The following CLEC16A variants were observed in gnomAD, a reference collection of about 807,000 sequenced individuals.
CLEC16A encodes C-type lectin domain containing 16A.
In CLEC16A, 51 loss-of-function variants were observed where a neutral mutation model predicts 109.5. The ratio of observed to expected loss-of-function variants is 0.47; its 90% CI spans 0.37 to 0.59. CLEC16A has a LOEUF of 0.59. CLEC16A is among the 20% of genes least tolerant of loss of function. The pLI, the probability that CLEC16A is intolerant of heterozygous loss-of-function variation, is 0.00. For missense variants in CLEC16A, 1,339 were observed against 1,394.0 expected (o/e 0.96, Z 0.63); for synonymous variants, 673 against 564.2 (o/e 1.19, Z -2.73).
chr16:10,972,515 C>G (rs751560050), intron 5 of CLEC16A, 39 bp from the exon 6 acceptor site: 2 of 1,607,682 alleles, frequency 1.2e-6, no homozygotes, highest in African/African-American at 2.7e-5. Flanking sequence ...CTGTTTTTTG[C>G]TTTTCCTTCA....
At chr16:10,956,604 G>A (rs969867436) in intron 1 of CLEC16A, among the ~76,000 whole-genome samples, 3 of 152,168 alleles carry the variant, frequency 2.0e-5, no homozygotes, top group Admixed American at 6.5e-5. Context: ...GTGCCCGGTG[G>A]CACTCCCAGG....
intron 18 of CLEC16A, among the ~76,000 whole-genome samples, chr16:11,053,525 C>G (rs556754419): frequency 6.6e-6 from 1 of 152,064 alleles, no homozygotes; most frequent in East Asian, 1.9e-4. Context: ...TGTGTGCCAC[C>G]ACACTCGGCT....
rs1178919309 is a variant in CLEC16A at position 10,944,572 on chromosome 16, G to A, written c.-146G>A. ...GGTTCCGGCTGAATGTCAGTGCTGG[G>A]CTGTGGGCCGGGGAGGAAGGCGGCT... On this transcript the variant is annotated 5_prime_UTR_variant, in exon 1 of 24. Transcript: ENST00000409790. The A allele has an allele frequency of 2.6e-6, 2 of 766,520 alleles. No individual in the cohort carries two copies. The highest frequency in any genetic ancestry group is 3.6e-4 in the Middle Eastern group (1 of 2,792). 47.5% of individuals were successfully genotyped at this position (766,520 alleles called of 1,614,324 possible).
At chr16:11,039,666 T>A in intron 13 of CLEC16A, 88 bp from the exon 14 acceptor site, 1 of 1,413,020 alleles carries the variant, frequency 7.1e-7, no homozygotes, top group Non-Finnish European at 9.4e-7. Flanking sequence ...TGGCTGAAGT[T>A]GAGGAAACCC....
intron 22 of CLEC16A, among the ~76,000 whole-genome samples, chr16:11,134,797 CT>C (rs1297780242): frequency 1.3e-5 from 2 of 152,232 alleles, no homozygotes; most frequent in African/African-American, 4.8e-5. Flanking sequence ...CTCTGCCTGT[CT>C]CAGAATGTCA....
intron 19 of CLEC16A, among the ~76,000 whole-genome samples, chr16:11,076,889 A>G (rs2049406225): frequency 6.6e-6 from 1 of 152,182 alleles, no homozygotes; most frequent in African/African-American, 2.4e-5. Flanking sequence ...CGAAGAATGG[A>G]GCAGCACTTC....
intron 11 of CLEC16A, among the ~76,000 whole-genome samples, chr16:11,006,943 G>C (rs2045057461): frequency 6.6e-6 from 1 of 152,214 alleles, no homozygotes; most frequent in Middle Eastern, 3.4e-3. Context: ...ACTAAAAAAA[G>C]AAGGATATCA....
intron 23 of CLEC16A, among the ~76,000 whole-genome samples, chr16:11,175,439 G>A (rs988299739): frequency 4.6e-5 from 7 of 152,192 alleles, no homozygotes; most frequent in Admixed American, 6.5e-5. Context: ...ACACCAGCAG[G>A]CATGAAGCCA....
intron 18 of CLEC16A, among the ~76,000 whole-genome samples, chr16:11,060,537 AC>A (rs1166381702): frequency 6.6e-6 from 1 of 152,156 alleles, no homozygotes; most frequent in Non-Finnish European, 1.5e-5. Flanking sequence ...TGGGCAGGTC[AC>A]TTCACCTTCT....
At chr16:11,112,855 T>G (rs538205262) in intron 19 of CLEC16A, among the ~76,000 whole-genome samples, 12 of 152,292 alleles carry the variant, frequency 7.9e-5, no homozygotes, top group African/African-American at 2.9e-4. Flanking sequence ...CCATCCTACC[T>G]TTTGCCTGTG....
intron 19 of CLEC16A, among the ~76,000 whole-genome samples, chr16:11,087,466 C>G (rs551970128): frequency 7.9e-5 from 12 of 152,264 alleles, no homozygotes; most frequent in African/African-American, 2.4e-4. Context: ...TGGAACAAAC[C>G]TAAACTACTA....
At chr16:11,012,108 G>A (rs375512725) in intron 11 of CLEC16A, among the ~76,000 whole-genome samples, 5 of 152,110 alleles carry the variant, frequency 3.3e-5, no homozygotes, top group South Asian at 2.1e-4. Flanking sequence ...TCAAGGATAG[G>A]TTCTTAGAAA....
Position 11,067,073 on chromosome 16 carries a change from T to C in CLEC16A, c.2116+6051T>C, listed in dbSNP as rs375625209. On this transcript the variant is annotated intron_variant, in intron 19 of 23. Transcript: ENST00000409790. ...GTAGCACATCATTTCAGAACGAGGGTAGTCTTTCCAAGAAACAGTAGTGGC... is the reference window on the plus strand; with the variant it reads ...GTAGCACATCATTTCAGAACGAGGGCAGTCTTTCCAAGAAACAGTAGTGGC... Among the ~76,000 whole-genome samples, 4 of 151,670 alleles carry C rather than the reference T, an allele frequency of 2.6e-5. No homozygotes were observed. In the South Asian group the frequency reaches 8.4e-4, roughly 32 times the overall value.
rs775031991 is a variant in CLEC16A, at chr16:10,969,300, T to C, written c.483T>C (p.Phe161=). The change falls in exon 4 of 24, where the codon TTT becomes TTC. Residue 161 remains phenylalanine, a synonymous_variant. Coordinates refer to ENST00000409790, the MANE Select transcript of CLEC16A (RefSeq NM_015226.3). ...TCAACAACCACACTGTCCATTTCTT[T>C]TATAATGAGGTAAGTAATTGCCAGA... The part of the protein sequence containing the change: ...LKLNNHTVHF[F]YNEHTNDFAL... The C allele has an allele frequency of 1.3e-5, 21 of 1,608,440 alleles. No individual in the cohort carries two copies. Among genetic ancestry groups the C allele is most frequent in the Middle Eastern group, 1.7e-4 (1 of 6,050 alleles).
At chr16:11,051,431 G>C in intron 17 of CLEC16A, 82 bp from the exon 18 acceptor site, 1 of 1,432,394 alleles carries the variant, frequency 7.0e-7, no homozygotes, top group Non-Finnish European at 9.7e-7. Flanking sequence ...TTGAAGGCGA[G>C]GGGCCTGTGC....
At chr16:10,977,966 A>C (rs747603454) in intron 8 of CLEC16A, among the ~76,000 whole-genome samples, 5 of 152,204 alleles carry the variant, frequency 3.3e-5, no homozygotes, top group Non-Finnish European at 5.9e-5. Context: ...GGAAACATCT[A>C]CAAATGTAGG....
rs115147986 is a variant in CLEC16A, at chr16:10,988,174, T to C, written c.1071+5183T>C. 2.4e-3 allele frequency among the ~76,000 whole-genome samples: 359 copies of C among 152,318 alleles called. 4 individuals are homozygous for C. The highest frequency in any genetic ancestry group is 8.1e-3 in the African/African-American group (337 of 41,566). On this transcript the variant is annotated intron_variant, in intron 10 of 23. Coordinates refer to ENST00000409790, the MANE Select transcript of CLEC16A (RefSeq NM_015226.3). ...TCGTTGTTTTTGCAGAATGAACATA[T>C]AGATTAGAATTTGGGATATGCATCA...
chr16:11,101,595 C>A (rs1597386379), intron 19 of CLEC16A, among the ~76,000 whole-genome samples: 1 of 152,276 alleles, frequency 6.6e-6, no homozygotes, highest in South Asian at 2.1e-4. Context: ...GGTAGGCATC[C>A]CTCCTCTCCA....
At chr16:11,126,498 AAGAG>A in intron 22 of CLEC16A, 2 of 982,070 alleles carry the variant, frequency 2.0e-6, no homozygotes, top group Non-Finnish European at 2.9e-6. Flanking sequence ...GATGACTAGA[AAGAG>A]AGAGTGTGTT....
Sources: allele counts gnomAD v4.1 joint callset (sites outside exome capture counted in the v4.1 genomes callset), GRCh38; gene constraint gnomAD v4.1.1; transcripts MANE v1.5; gene names NCBI Gene and HGNC (gene_info 2026-07-23, HGNC 2026-07-21).